KANK1: variants seen among roughly 807,000 people sequenced by gnomAD.
KANK1 encodes the protein KN motif and ankyrin repeat domains 1.
In KANK1, 109 loss-of-function variants were observed where a neutral mutation model predicts 106.2. The ratio of observed to expected loss-of-function variants is 1.03; its 90% CI spans 0.88 to 1.20. The LOEUF (loss-of-function observed/expected upper bound fraction) is 1.20. Among genes scored for constraint, KANK1 ranks in the 50% most tolerant of loss-of-function variants. KANK1 has a pLI of 0.00. For missense variants in KANK1, 2,399 were observed against 1,710.7 expected (o/e 1.40, Z -7.10); for synonymous variants, 873 against 652.2 (o/e 1.34, Z -5.16).
intron 2 of KANK1, among the ~76,000 whole-genome samples, chr9:691,991 T>G (rs1205415689): frequency 2.0e-5 from 3 of 152,094 alleles, no homozygotes; most frequent in Non-Finnish European, 4.4e-5. Flanking sequence ...TTGAACAAGA[T>G]TTACTGAATT....
Position 740,906 on chromosome 9 carries a change from G to C in KANK1, c.3668G>C (p.Cys1223Ser). ...CGGATTGTGGAAGAACTCTTCGGCT[G>C]TGGGGATGTGAATGCCAAAGCTAGT... is the stretch of plus-strand genomic sequence containing the variant. ...DMRIVEELFG[C>S]GDVNAKASQA... The change falls in exon 9 of 12, where the codon TGT (cysteine) becomes TCT (serine). Residue 1223 changes from cysteine to serine, a missense_variant. Physicochemically the swap from Cys to Ser is moderately radical, Grantham distance 112. Coordinates refer to ENST00000382297, the MANE Select transcript of KANK1 (RefSeq NM_015158.5). The C allele has an allele frequency of 6.2e-7, 1 of 1,614,220 alleles. No homozygotes were observed. Among genetic ancestry groups the C allele is most frequent in the Non-Finnish European group, 8.5e-7 (1 of 1,180,034 alleles).
intron 1 of KANK1, among the ~76,000 whole-genome samples, chr9:508,121 CTTTTTTTTTTTTTTTTTTTT>C (rs71314711): frequency 0.012 from 471 of 39,296 alleles, 12 homozygotes; most frequent in Middle Eastern, 0.028. Flanking sequence ...CCTGCTCAGC[CTTTTTTTTTTTTTTTTTTTT>C]TTTTTTTTTT....
intron 1 of KANK1, among the ~76,000 whole-genome samples, chr9:610,046 C>T (rs552608107): frequency 4.6e-5 from 7 of 152,166 alleles, no homozygotes; most frequent in African/African-American, 1.2e-4. Flanking sequence ...CATTAATGTA[C>T]AATAATTTAT....
chr9:593,293 G>A lies in KANK1; in HGVS notation c.-83-83597G>A, dbSNP rs547827301. ...AAAATTAATGACAAAAGTCAGATGTGCCCATTCTCACATATTCAAACAATA... is the reference window on the plus strand; with the variant it reads ...AAAATTAATGACAAAAGTCAGATGTACCCATTCTCACATATTCAAACAATA... On this transcript the variant is annotated intron_variant, in intron 1 of 11. Coordinates refer to ENST00000382297, the MANE Select transcript of KANK1 (RefSeq NM_015158.5). Among the ~76,000 whole-genome samples, 75 of 151,764 alleles carry A rather than the reference G, an allele frequency of 4.9e-4. 1 individual carries two copies. Among genetic ancestry groups the A allele is most frequent in the African/African-American group, 1.7e-3 (69 of 41,164 alleles).
At chr9:616,991 T>A (rs559643261) in intron 1 of KANK1, among the ~76,000 whole-genome samples, 1 of 152,300 alleles carries the variant, frequency 6.6e-6, no homozygotes, top group Non-Finnish European at 1.5e-5. Flanking sequence ...TTTTGGTGAA[T>A]AGTAATGTAA....
At chr9:729,692 G>C (rs1455566815) in intron 3 of KANK1, among the ~76,000 whole-genome samples, 2 of 152,182 alleles carry the variant, frequency 1.3e-5, no homozygotes, top group East Asian at 3.8e-4. Context: ...TTTTGTTTTA[G>C]CTGGAATAAT....
In KANK1 at chr9:668,294, C is replaced by A. The variant is rs139327942; in HGVS notation, c.-83-8596C>A. 1.1e-3 allele frequency among the ~76,000 whole-genome samples: 167 copies of A among 152,206 alleles called. 1 individual carries two copies. The highest frequency in any genetic ancestry group is 3.8e-3 in the African/African-American group (156 of 41,514). On this transcript the variant is annotated intron_variant, in intron 1 of 11. Coordinates refer to ENST00000382297, the MANE Select transcript of KANK1 (RefSeq NM_015158.5). ...TTTGTTAATTTTCTGTCTAGATGAT[C>A]TGTTCATTGGTGAAAATGGGGTATT...
At chr9:739,762 T>C (rs1834854533) in intron 8 of KANK1, among the ~76,000 whole-genome samples, 2 of 152,110 alleles carry the variant, frequency 1.3e-5, no homozygotes, top group African/African-American at 2.4e-5. Flanking sequence ...GTTAATCACT[T>C]ATCTTAATGG....
At chr9:620,098 C>T (rs1832783251) in intron 1 of KANK1, among the ~76,000 whole-genome samples, 1 of 151,402 alleles carries the variant, frequency 6.6e-6, no homozygotes, top group South Asian at 2.1e-4. Context: ...CACCACTGCA[C>T]TCCAGCCTGG....
intron 3 of KANK1, among the ~76,000 whole-genome samples, chr9:722,844 A>G (rs1042052157): frequency 6.6e-6 from 1 of 152,360 alleles, no homozygotes; most frequent in East Asian, 1.9e-4. Context: ...AGCACTGGAC[A>G]GGACACCAAA....
At chr9:514,948 A>G (rs1380257823) in intron 1 of KANK1, among the ~76,000 whole-genome samples, 3 of 151,758 alleles carry the variant, frequency 2.0e-5, no homozygotes, top group Non-Finnish European at 4.4e-5. Context: ...ATTTTAGCTA[A>G]TCTGGTAAAC....
At chr9:742,447 G>C (rs766930586) in intron 10 of KANK1, 42 bp downstream of exon 10, 3 of 1,508,728 alleles carry the variant, frequency 2.0e-6, no homozygotes, top group Non-Finnish European at 1.8e-6. Flanking sequence ...GGGTCTGGGG[G>C]ACTCTGGACG....
At chr9:685,605 A>C (rs1348413704) in intron 2 of KANK1, 1 of 152,234 alleles carries the variant, frequency 6.6e-6, no homozygotes, top group African/African-American at 2.4e-5. Context: ...GAATTTCACC[A>C]TACAAACCTT....
rs778580678 is a variant in KANK1 at position 594,894 on chromosome 9, G to A, written c.-83-81996G>A. Among the ~76,000 whole-genome samples, 5 of 151,868 alleles carry A rather than the reference G, an allele frequency of 3.3e-5. No individual in the cohort carries two copies. The South Asian group carries it at 1.0e-3, about 32-fold the overall frequency. On this transcript the variant is annotated intron_variant, in intron 1 of 11. Transcript: ENST00000382297. ...CAAATCCTTTTGATTCAGCCACTGTGTATTGATAATGGCTTATTTATTACA... is the reference window on the plus strand; with the variant it reads ...CAAATCCTTTTGATTCAGCCACTGTATATTGATAATGGCTTATTTATTACA...
In KANK1 at chr9:607,941, C is replaced by G. The variant is rs148768655; in HGVS notation, c.-83-68949C>G. On this transcript the variant is annotated intron_variant, in intron 1 of 11. Transcript: ENST00000382297. ...TTCATTTTTCCTTGTGAACATCTCT[C>G]TGTGTGTGTGTATGTGTATAATTTA... Among the ~76,000 whole-genome samples, 658 of 148,394 alleles carry G rather than the reference C, an allele frequency of 4.4e-3. 16 individuals carry two copies. Among genetic ancestry groups the G allele is most frequent in the African/African-American group, 0.014 (570 of 40,088 alleles).
intron 1 of KANK1, among the ~76,000 whole-genome samples, chr9:594,925 A>AG (rs563787434): frequency 1.3e-5 from 2 of 151,856 alleles, no homozygotes; most frequent in Non-Finnish European, 2.9e-5. Flanking sequence ...TTACAATCAG[A>AG]GGAATTAAAC....
At chr9:546,222 A>G (rs750266053) in intron 1 of KANK1, among the ~76,000 whole-genome samples, 2 of 152,156 alleles carry the variant, frequency 1.3e-5, no homozygotes, top group Admixed American at 6.5e-5. Context: ...ATATATCTGC[A>G]CTTCTCAATC....
chr9:728,860 C>G (rs1831458048), intron 3 of KANK1, among the ~76,000 whole-genome samples: 1 of 152,206 alleles, frequency 6.6e-6, no homozygotes, highest in Non-Finnish European at 1.5e-5. Flanking sequence ...TACCGAAGAC[C>G]TGGAAGCCCA....
At chr9:669,614 G>T (rs768055770) in intron 1 of KANK1, among the ~76,000 whole-genome samples, 2 of 151,948 alleles carry the variant, frequency 1.3e-5, no homozygotes, top group African/African-American at 4.8e-5. Context: ...GAGTTTCTTT[G>T]TATGTTATAT....
Sources: allele counts gnomAD v4.1 joint callset (sites outside exome capture counted in the v4.1 genomes callset), GRCh38; gene constraint gnomAD v4.1.1; transcripts MANE v1.5; gene names NCBI Gene and HGNC (gene_info 2026-07-23, HGNC 2026-07-21).